Variants in ACSM2B observed in about 807,000 individuals in gnomAD.
ACSM2B encodes acyl-CoA synthetase medium chain family member 2B.
A neutral mutation model predicts 78.6 loss-of-function variants in ACSM2B; 58 were observed. That is an observed-to-expected ratio of 0.74 (90% CI 0.60 to 0.92). The LOEUF (loss-of-function observed/expected upper bound fraction) is 0.92. Ranked by LOEUF, ACSM2B falls within the 40% of genes least tolerant of loss-of-function variation. ACSM2B has a pLI of 0.00. For missense variants in ACSM2B, 688 were observed against 711.2 expected, an observed-to-expected ratio of 0.97 and a Z score of 0.37; for synonymous variants, 257 against 256.8, an observed-to-expected ratio of 1.00 and a Z score of -0.01.
chr16:20,573,762 C>A (rs561548792), intron 1 of ACSM2B, among the ~76,000 whole-genome samples: 587 of 150,240 alleles, frequency 3.9e-3, no homozygotes, highest in South Asian at 0.017. Flanking sequence ...TGACCCCGAG[C>A]AGCAAAACCA....
chr16:20,570,699 TGTC>T (rs925586352), intron 1 of ACSM2B, among the ~76,000 whole-genome samples: 5 of 151,588 alleles, frequency 3.3e-5, no homozygotes, highest in Non-Finnish European at 7.4e-5. Flanking sequence ...GCTTTTTTGT[TGTC>T]GTTGTTGTTG....
At chr16:20,544,362 A>G (rs1476140419) in intron 10 of ACSM2B, among the ~76,000 whole-genome samples, 1 of 152,206 alleles carries the variant, frequency 6.6e-6, no homozygotes, top group African/African-American at 2.4e-5. Flanking sequence ...TATACATAGT[A>G]GAGCAGGGTT....
intron 1 of ACSM2B, among the ~76,000 whole-genome samples, chr16:20,567,222 A>G (rs2015926514): frequency 7.7e-6 from 1 of 130,654 alleles, no homozygotes; most frequent in African/African-American, 2.9e-5. Context: ...TATACTATAT[A>G]CTATATATAA....
intron 2 of ACSM2B, among the ~76,000 whole-genome samples, chr16:20,562,114 A>G (rs2152143123): frequency 6.6e-6 from 1 of 151,962 alleles, no homozygotes. Context: ...AGAGACCCTG[A>G]TTTTAAGTTT....
In ACSM2B at chr16:20,566,715, A is replaced by AG. The variant is rs61174745; in HGVS notation, c.-8-1863_-8-1862insC. Among the ~76,000 whole-genome samples, 2 of 31,718 alleles carry AG rather than the reference A, an allele frequency of 6.3e-5. 1 individual carries two copies. The highest frequency in any genetic ancestry group is 3.1e-4 in the African/African-American group (2 of 6,354). The allele number at this position is 31,718 out of a possible 152,430, so 20.8% of individuals were successfully genotyped here. On this transcript the variant is annotated intron_variant, in intron 1 of 13. Coordinates refer to ENST00000329697, the MANE Select transcript of ACSM2B (RefSeq NM_001105069.2). Reference sequence around the variant, plus strand: ...TATATATAGTATATATATAGTATATATAGTATATACTATATATAGTATATA... The same window carrying AG: ...TATATATAGTATATATATAGTATATAGTAGTATATACTATATATAGTATATA...
chr16:20,558,788 T>G (rs1244227920), intron 3 of ACSM2B, among the ~76,000 whole-genome samples: 1 of 152,240 alleles, frequency 6.6e-6, no homozygotes, highest in Non-Finnish European at 1.5e-5. Flanking sequence ...GCCACTGCAG[T>G]GCAAATGCAG....
At chr16:20,537,448 G>T in intron 13 of ACSM2B, 86 bp from the exon 14 acceptor site, 1 of 1,498,832 alleles carries the variant, frequency 6.7e-7, no homozygotes, top group Non-Finnish European at 9.3e-7. Context: ...GTGAGGGGAA[G>T]TTCTTCAGGC....
intron 1 of ACSM2B, among the ~76,000 whole-genome samples, chr16:20,566,019 A>G (rs550352145): frequency 6.6e-6 from 1 of 150,468 alleles, no homozygotes; most frequent in South Asian, 2.1e-4. Context: ...ATGGCTGAGT[A>G]GTATTTCATT....
At chr16:20,540,891 G>T (rs1489017259) in intron 12 of ACSM2B, 118 bp from the exon 13 acceptor site, 16 of 1,418,242 alleles carry the variant, frequency 1.1e-5, no homozygotes, top group African/African-American at 1.4e-5. Flanking sequence ...TTGCACCCCC[G>T]GTGATCCAGG....
chr16:20,545,863 A>T (rs2015124638), intron 9 of ACSM2B, among the ~76,000 whole-genome samples: 1 of 152,230 alleles, frequency 6.6e-6, no homozygotes, highest in South Asian at 2.1e-4. Context: ...TAGTTCTCAA[A>T]AAACAACAAG....
chr16:20,570,567 T>C (rs2016064910), intron 1 of ACSM2B, among the ~76,000 whole-genome samples: 1 of 151,984 alleles, frequency 6.6e-6, no homozygotes, highest in Non-Finnish European at 1.5e-5. Context: ...AGGGTAATAC[T>C]GGCTTCATAG....
intron 3 of ACSM2B, among the ~76,000 whole-genome samples, chr16:20,558,124 C>T (rs34527995): frequency 0.18 from 27,769 of 151,988 alleles, 3,584 homozygotes; most frequent in East Asian, 0.69. Flanking sequence ...CCAATTTCTC[C>T]GATAGATTAC....
At chr16:20,568,232 G>A (rs1271742984) in intron 1 of ACSM2B, among the ~76,000 whole-genome samples, 1 of 142,872 alleles carries the variant, frequency 7.0e-6, no homozygotes, top group Non-Finnish European at 1.5e-5. Flanking sequence ...TATTTTATAT[G>A]TTTTATATAT....
Position 20,548,081 on chromosome 16 carries a change from A to C in ACSM2B, c.1079T>G (p.Phe360Cys). ...AGGTACCGTTTCTGTCTGGCCATAG[A>C]ATTCTCGGATGTCCAGTCCTGTCTG... ...RAQTGLDIREFYGQTETGLTC... is the reference protein window; with the variant it reads ...RAQTGLDIRECYGQTETGLTC... Residue 360 changes from phenylalanine to cysteine, a missense_variant, in exon 8 of 14, where the codon TTC (phenylalanine) becomes TGC (cysteine). Phe to Cys is a radical substitution (Grantham distance 205). Transcript: ENST00000329697. 1.2e-6 allele frequency: 2 copies of C among 1,613,916 alleles called. No individual in the cohort carries two copies. Among genetic ancestry groups the C allele is most frequent in the South Asian group, 1.1e-5 (1 of 91,072 alleles).
Position 20,564,784 on chromosome 16 carries a change from C to A in ACSM2B, c.62G>T (p.Arg21Leu), listed in dbSNP as rs141648973. ...CTLWGTQMSS[R>L]TLYINSRQLV... ...TTGCCTACTATTAATGTAGAGAGTG[C>A]GGCTGGACATCTGAGTACCCCACAG... Residue 21 changes from arginine to leucine, a missense_variant, in exon 2 of 14, where the codon CGC (arginine) becomes CTC (leucine). Physicochemically the swap from Arg to Leu is moderately radical, Grantham distance 102. Coordinates refer to ENST00000329697, the MANE Select transcript of ACSM2B (RefSeq NM_001105069.2). 1 of 1,612,942 alleles carries A rather than the reference C, an allele frequency of 6.2e-7. No homozygotes were observed. Among genetic ancestry groups the A allele is most frequent in the African/African-American group, 1.3e-5 (1 of 74,838 alleles).
chr16:20,540,224 G>T (rs201373334), intron 13 of ACSM2B, among the ~76,000 whole-genome samples: 34 of 77,398 alleles, frequency 4.4e-4, no homozygotes, highest in African/African-American at 7.4e-4. Flanking sequence ...TTTTTTTTTT[G>T]TTTTTTTTTT....
intron 12 of ACSM2B, chr16:20,541,279 GTGTGA>G (rs1182867778): frequency 1.3e-5 from 2 of 158,114 alleles, no homozygotes; most frequent in Admixed American, 1.2e-4. Context: ...ATAATTTTCT[GTGTGA>G]TGTGTTCTGT....
At chr16:20,567,182 TATAAC>T (rs2015924138) in intron 1 of ACSM2B, among the ~76,000 whole-genome samples, 1 of 132,996 alleles carries the variant, frequency 7.5e-6, no homozygotes, top group African/African-American at 2.8e-5. Context: ...ATAATACTAT[TATAAC>T]ATATTATACT....
Position 20,564,864 on chromosome 16 carries a change from A to G in ACSM2B, c.-8-11T>C. ...AATGCATGTTCAGGCCTGTAAAAGA[A>G]AGAAGAGACACAGGTAAGAGCTTCT... On this transcript the variant is annotated splice_polypyrimidine_tract_variant and intron_variant, in intron 1 of 13. Coordinates refer to ENST00000329697, the MANE Select transcript of ACSM2B (RefSeq NM_001105069.2). 1 of 1,596,072 alleles carries G rather than the reference A, an allele frequency of 6.3e-7. No homozygotes were observed. The highest frequency in any genetic ancestry group is 8.5e-7 in the Non-Finnish European group (1 of 1,170,164).
Sources: allele counts gnomAD v4.1 joint callset (sites outside exome capture counted in the v4.1 genomes callset), GRCh38; gene constraint gnomAD v4.1.1; transcripts MANE v1.5; gene names NCBI Gene and HGNC (gene_info 2026-07-23, HGNC 2026-07-21).